SIPA1L2: variants seen among roughly 807,000 people sequenced by gnomAD.
SIPA1L2 encodes the protein signal-induced proliferation-associated 1-like protein 2.
SIPA1L2 carries 56 observed loss-of-function variants against 163.9 expected under a neutral mutation model. That is an observed-to-expected ratio of 0.34 (90% CI 0.28 to 0.43). The LOEUF is 0.43. Ranked by LOEUF, SIPA1L2 falls within the 20% of genes least tolerant of loss-of-function variation. The pLI, the probability that SIPA1L2 is intolerant of heterozygous loss-of-function variation, is 1.00. For synonymous variants in SIPA1L2, 877 were observed against 865.7 expected (o/e 1.01, Z -0.23); for missense variants, 1,974 against 2,193.5 (o/e 0.90, Z 2.00).
At chr1:232,433,714 T>C (rs1662384518) in intron 15 of SIPA1L2, among the ~76,000 whole-genome samples, 1 of 152,284 alleles carries the variant, frequency 6.6e-6, no homozygotes, top group African/African-American at 2.4e-5. Context: ...ATATGTTTTA[T>C]GAAAAACAAA....
At chr1:232,436,866 T>C (rs1249370877) in intron 15 of SIPA1L2, among the ~76,000 whole-genome samples, 2 of 152,208 alleles carry the variant, frequency 1.3e-5, no homozygotes, top group South Asian at 2.1e-4. Flanking sequence ...AAGCCTAGGA[T>C]GCAAGTTGAA....
At position 232,465,537 on chromosome 1, in the gene SIPA1L2, TACATACAC is replaced by T. The variant is rs1664467170; in HGVS notation, c.2244-129_2244-122del. 4 of 792,898 alleles carry T rather than the reference TACATACAC, an allele frequency of 5.0e-6. No homozygotes were observed. Among genetic ancestry groups the T allele is most frequent in the South Asian group, 1.9e-5 (1 of 52,542 alleles). 49.1% of individuals were successfully genotyped at this position (792,898 alleles called of 1,614,324 possible). A position where few individuals can be genotyped will look rare whatever the true frequency, so the allele number is the denominator to read the frequency against. On this transcript the variant is annotated intron_variant, in intron 8 of 22. Transcript: ENST00000674635. The surrounding 1 kb of genome is among the most constrained non-coding windows in gnomAD (Gnocchi z 4.1). ...ATACATACACACACACACACACATATACATACACACATACACACACACTTTCAACTTAA... is the reference window on the plus strand; with the variant it reads ...ATACATACACACACACACACACATATACATACACACACACTTTCAACTTAA...
chr1:232,534,306 C>A lies in SIPA1L2; in HGVS notation c.-269-18698G>T, dbSNP rs571534647. Among the ~76,000 whole-genome samples the A allele has an allele frequency of 2.0e-5, 3 of 152,240 alleles. No individual in the cohort carries two copies. The South Asian group carries it at 6.2e-4, about 32-fold the overall frequency. On this transcript the variant is annotated intron_variant, in intron 2 of 22. Coordinates refer to ENST00000674635, the MANE Select transcript of SIPA1L2 (RefSeq NM_020808.5). Reference sequence around the variant, plus strand: ...AATGGGGAAAGGACAGTCTTTTCAACAAATGGTGCTGGGAAAACTGGCTAT... The same window carrying A: ...AATGGGGAAAGGACAGTCTTTTCAAAAAATGGTGCTGGGAAAACTGGCTAT...
chr1:232,519,718 G>A (rs1667378351), intron 2 of SIPA1L2, among the ~76,000 whole-genome samples: 1 of 152,118 alleles, frequency 6.6e-6, no homozygotes, highest in East Asian at 1.9e-4. Context: ...GAAAGCAAAC[G>A]TGCTATGAAA....
intron 1 of SIPA1L2, among the ~76,000 whole-genome samples, chr1:232,611,386 T>C (rs1425482630): frequency 2.6e-5 from 4 of 152,076 alleles, no homozygotes; most frequent in African/African-American, 2.4e-5. Flanking sequence ...CAGGCAGAAG[T>C]TGGAACAGTT....
intron 1 of SIPA1L2, among the ~76,000 whole-genome samples, chr1:232,624,959 C>T (rs1207262741): frequency 3.9e-5 from 6 of 152,172 alleles, no homozygotes; most frequent in Admixed American, 6.5e-5. Flanking sequence ...CTAAGGCCTC[C>T]GGAGGTCACA....
At chr1:232,617,686 A>G (rs1405561405) in intron 1 of SIPA1L2, among the ~76,000 whole-genome samples, 1 of 152,224 alleles carries the variant, frequency 6.6e-6, no homozygotes, top group African/African-American at 2.4e-5. Flanking sequence ...GTGGGAAACA[A>G]AAAGAGTAAG....
chr1:232,434,095 A>C (rs1196993810), intron 15 of SIPA1L2, among the ~76,000 whole-genome samples: 2 of 152,210 alleles, frequency 1.3e-5, no homozygotes, highest in Non-Finnish European at 2.9e-5. Context: ...TTTCTATTGA[A>C]AGAGTTTAAC....
At chr1:232,449,710 A>G (rs1042521003) in intron 10 of SIPA1L2, among the ~76,000 whole-genome samples, 10 of 150,098 alleles carry the variant, frequency 6.7e-5, no homozygotes, top group South Asian at 4.3e-4. Flanking sequence ...ACCGAGCCCA[A>G]TGAATAAAAA....
intron 2 of SIPA1L2, among the ~76,000 whole-genome samples, chr1:232,542,075 T>C (rs562613194): frequency 6.1e-4 from 93 of 152,334 alleles, no homozygotes; most frequent in African/African-American, 2.2e-3. Flanking sequence ...TCAGCATTTG[T>C]AGTGAATGAT....
At chr1:232,537,433 T>C (rs993071163) in intron 2 of SIPA1L2, among the ~76,000 whole-genome samples, 2 of 152,012 alleles carry the variant, frequency 1.3e-5, no homozygotes, top group Admixed American at 1.3e-4. Flanking sequence ...AGAACAATAG[T>C]AGCAATACAT....
chr1:232,519,156 C>G (rs551291989), intron 2 of SIPA1L2, among the ~76,000 whole-genome samples: 2 of 152,186 alleles, frequency 1.3e-5, no homozygotes, highest in Admixed American at 6.5e-5. Context: ...TTCCCACCCC[C>G]ACTTCCATAC....
intron 7 of SIPA1L2, among the ~76,000 whole-genome samples, chr1:232,474,524 A>G (rs150442156): frequency 2.0e-5 from 3 of 152,354 alleles, no homozygotes; most frequent in African/African-American, 7.2e-5. Context: ...AGTAAGATAG[A>G]AGGAGTATGT....
At chr1:232,446,214 A>G (rs375259033) in intron 10 of SIPA1L2, among the ~76,000 whole-genome samples, 2 of 152,228 alleles carry the variant, frequency 1.3e-5, no homozygotes, top group East Asian at 3.9e-4. Context: ...TGTAGGTTAA[A>G]TATTTTAAAT....
intron 2 of SIPA1L2, among the ~76,000 whole-genome samples, chr1:232,518,351 C>A (rs1006432141): frequency 4.6e-5 from 7 of 152,118 alleles, no homozygotes; most frequent in African/African-American, 1.7e-4. Context: ...AGGCTAACTC[C>A]ACACCTAACA....
At chr1:232,472,107 T>C (rs535240032) in intron 7 of SIPA1L2, among the ~76,000 whole-genome samples, 1 of 152,184 alleles carries the variant, frequency 6.6e-6, no homozygotes, top group African/African-American at 2.4e-5. Context: ...AGCCCAATCA[T>C]TTGTAATTTT....
chr1:232,503,716 C>T (rs1666590471), intron 3 of SIPA1L2, among the ~76,000 whole-genome samples: 1 of 152,230 alleles, frequency 6.6e-6, no homozygotes, highest in African/African-American at 2.4e-5. Context: ...ACTAGTTGAT[C>T]ATTTAATTGC....
chr1:232,511,460 T>A (rs1666977136), intron 3 of SIPA1L2, among the ~76,000 whole-genome samples: 1 of 152,222 alleles, frequency 6.6e-6, no homozygotes, highest in Admixed American at 6.5e-5. Flanking sequence ...TGATTCATGT[T>A]GTCATAATGT....
chr1:232,520,005 T>C (rs778528225), intron 2 of SIPA1L2, among the ~76,000 whole-genome samples: 15 of 152,214 alleles, frequency 9.9e-5, no homozygotes, highest in Non-Finnish European at 2.2e-4. Flanking sequence ...TGTGACCTTG[T>C]CAGCAACATG....
Sources: gnomAD v4.1 joint callset for allele counts (sites outside exome capture counted in the v4.1 genomes callset) on GRCh38, gnomAD v4.1.1 for gene constraint, Gnocchi (gnomAD v3.1) non-coding constraint, MANE v1.5 for transcripts, NCBI Gene and HGNC (gene_info 2026-07-23, HGNC 2026-07-21) for gene names.